ATXN10: variants seen among roughly 807,000 people sequenced by gnomAD.
ATXN10 encodes ataxin-10.
Under a neutral mutation model 52.9 loss-of-function variants are expected in ATXN10, and 28 were observed. That is an observed-to-expected ratio of 0.53 (90% CI 0.39 to 0.73). The LOEUF (loss-of-function observed/expected upper bound fraction) is 0.73, where lower values mean the gene tolerates loss of function less well. ATXN10 is among the 30% of genes least tolerant of loss of function. ATXN10 has a pLI of 0.00. For synonymous variants in ATXN10, 226 were observed against 221.5 expected (o/e 1.02, Z -0.18); for missense variants, 565 against 577.0 (o/e 0.98, Z 0.21).
chr22:45,765,583 T>G (rs1378460363), intron 9 of ATXN10, among the ~76,000 whole-genome samples: 5 of 152,176 alleles, frequency 3.3e-5, no homozygotes, highest in Non-Finnish European at 5.9e-5. Context: ...TTCCCCCTTA[T>G]TGGGTGCTCA....
intron 10 of ATXN10, among the ~76,000 whole-genome samples, chr22:45,839,196 G>A (rs545860381): frequency 6.6e-6 from 1 of 152,340 alleles, no homozygotes; most frequent in East Asian, 1.9e-4. Context: ...CTCCAGAGTG[G>A]TCTTGTGGCC....
At chr22:45,711,737 A>G (rs988720119) in intron 5 of ATXN10, among the ~76,000 whole-genome samples, 8 of 152,234 alleles carry the variant, frequency 5.3e-5, no homozygotes, top group African/African-American at 1.7e-4. Flanking sequence ...GCACCTGTGT[A>G]TATAACAGAC....
chr22:45,698,970 T>G (rs78689861), intron 3 of ATXN10, among the ~76,000 whole-genome samples: 1,757 of 152,320 alleles, frequency 0.012, 18 homozygotes, highest in Non-Finnish European at 0.019. Context: ...GTGTGCCAGT[T>G]TTTTGTTACC....
chr22:45,792,358 A>G (rs1247945053), intron 9 of ATXN10: 1 of 152,354 alleles, frequency 6.6e-6, no homozygotes, highest in Non-Finnish European at 1.5e-5. Flanking sequence ...GAGGGAGGAC[A>G]GTAAATCAAC....
In ATXN10 at chr22:45,789,573, G is replaced by A. The variant is rs904661809; in HGVS notation, c.1174-17386G>A. Among the ~76,000 whole-genome samples, 4 of 152,192 alleles carry A rather than the reference G, an allele frequency of 2.6e-5. No homozygotes were observed. The highest frequency in any genetic ancestry group is 4.8e-5 in the African/African-American group (2 of 41,444). ...TTGTCACCGCCCTGGGAAGGCGCCA[G>A]TGAAGGGCCTGGAAAAGTTAGGGGT... is the stretch of plus-strand genomic sequence containing the variant. On this transcript the variant is annotated intron_variant, in intron 9 of 11. Transcript: ENST00000252934. This position sits in a 1 kb window ranked among gnomAD's most constrained non-coding sequence, Gnocchi z 4.0.
rs1404582754 is a variant in ATXN10, at chr22:45,784,671, G to T, written c.1174-22288G>T. ...GTGCCCAGAGGACACACAGCTTAGAGCAGGGCCCAAATTGACCTCATGGCT... is the reference window on the plus strand; with the variant it reads ...GTGCCCAGAGGACACACAGCTTAGATCAGGGCCCAAATTGACCTCATGGCT... On this transcript the variant is annotated intron_variant, in intron 9 of 11. Transcript: ENST00000252934. This position sits in a 1 kb window ranked among gnomAD's most constrained non-coding sequence, Gnocchi z 4.2. 6.6e-6 allele frequency among the ~76,000 whole-genome samples: 1 copy of T among 152,180 alleles called. No individual in the cohort carries two copies. Among genetic ancestry groups the T allele is most frequent in the Non-Finnish European group, 1.5e-5 (1 of 68,026 alleles).
chr22:45,752,961 C>G (rs1423218499), intron 9 of ATXN10, among the ~76,000 whole-genome samples: 1 of 151,924 alleles, frequency 6.6e-6, no homozygotes, highest in Admixed American at 6.6e-5. Context: ...CTTGAACTCC[C>G]GACCTCAGGT....
chr22:45,836,353 CA>C (rs1420885750), intron 10 of ATXN10, among the ~76,000 whole-genome samples: 2 of 152,228 alleles, frequency 1.3e-5, no homozygotes, highest in Non-Finnish European at 2.9e-5. Context: ...TGACCCCTTG[CA>C]AAAGTAAGGG....
At chr22:45,680,546 T>G (rs1370232651) in intron 1 of ATXN10, among the ~76,000 whole-genome samples, 1 of 152,196 alleles carries the variant, frequency 6.6e-6, no homozygotes, top group Non-Finnish European at 1.5e-5. Flanking sequence ...CTTTTTTGTT[T>G]TTTTGAGATA....
chr22:45,714,130 G>A (rs1924355896), intron 5 of ATXN10, among the ~76,000 whole-genome samples: 1 of 152,178 alleles, frequency 6.6e-6, no homozygotes, highest in South Asian at 2.1e-4. Flanking sequence ...AACAGTGTTA[G>A]CAAGATTTGG....
chr22:45,767,266 T>G (rs1045259008), intron 9 of ATXN10, among the ~76,000 whole-genome samples: 1 of 152,156 alleles, frequency 6.6e-6, no homozygotes, highest in Non-Finnish European at 1.5e-5. Context: ...ATGAATGAAG[T>G]AGACCTGTAT....
chr22:45,757,688 A>AT lies in ATXN10; in HGVS notation c.1173+17155dup, dbSNP rs1926225363. On this transcript the variant is annotated intron_variant, in intron 9 of 11. Transcript: ENST00000252934. This position sits in a 1 kb window ranked among gnomAD's most constrained non-coding sequence, Gnocchi z 4.6. ...TTTACATACACATAGGATTCAATAC[A>AT]TTTTTCATATGCTGACCTTATAAGT... Among the ~76,000 whole-genome samples the AT allele has an allele frequency of 6.6e-6, 1 of 152,132 alleles. No homozygotes were observed. The highest frequency in any genetic ancestry group is 2.4e-5 in the African/African-American group (1 of 41,504).
intron 1 of ATXN10, chr22:45,680,194 T>A (rs1324401365): frequency 6.6e-6 from 1 of 152,196 alleles, no homozygotes; most frequent in Non-Finnish European, 1.5e-5. Flanking sequence ...TTATAGCTAT[T>A]GAGGAGTTTG....
chr22:45,814,658 G>A (rs1305872428), intron 10 of ATXN10, among the ~76,000 whole-genome samples: 1 of 152,178 alleles, frequency 6.6e-6, no homozygotes, highest in Non-Finnish European at 1.5e-5. Flanking sequence ...ATTAGAAGAG[G>A]AGTCCTCATC....
intron 10 of ATXN10, among the ~76,000 whole-genome samples, chr22:45,808,645 A>G (rs1319051701): frequency 6.6e-6 from 1 of 152,200 alleles, no homozygotes; most frequent in Non-Finnish European, 1.5e-5. Flanking sequence ...GTTGTAGATG[A>G]TGAAATAAAA....
intron 10 of ATXN10, among the ~76,000 whole-genome samples, chr22:45,827,907 T>C (rs909297957): frequency 3.9e-5 from 6 of 152,226 alleles, no homozygotes; most frequent in African/African-American, 1.4e-4. Flanking sequence ...TTTTTAAAGA[T>C]ATCATACAGA....
At chr22:45,827,851 T>C (rs1928866250) in intron 10 of ATXN10, among the ~76,000 whole-genome samples, 1 of 152,202 alleles carries the variant, frequency 6.6e-6, no homozygotes, top group South Asian at 2.1e-4. Context: ...AGAAGACATT[T>C]TCCAGGATAG....
In ATXN10 at chr22:45,751,427, TGA is replaced by T. The variant is rs3077250; in HGVS notation, c.1173+10911_1173+10912del. Among the ~76,000 whole-genome samples, 223 of 148,006 alleles carry T rather than the reference TGA, an allele frequency of 1.5e-3. 1 individual carries two copies. The highest frequency in any genetic ancestry group is 0.014 in the East Asian group (72 of 5,030). Reference sequence around the variant, plus strand: ...GGTGGTGATAGGGTTTGTGTGTTTTTGAGAGAGAGAGAGAGAGAGAGAGGAAG... The same window carrying T: ...GGTGGTGATAGGGTTTGTGTGTTTTTGAGAGAGAGAGAGAGAGAGAGGAAG... On this transcript the variant is annotated intron_variant, in intron 9 of 11. Transcript: ENST00000252934.
At chr22:45,752,033 AC>A (rs1925995876) in intron 9 of ATXN10, among the ~76,000 whole-genome samples, 1 of 152,170 alleles carries the variant, frequency 6.6e-6, no homozygotes, top group Admixed American at 6.5e-5. Flanking sequence ...TTCTAATAGA[AC>A]AAAAATGATA....
Sources: gnomAD v4.1 joint callset for allele counts (sites outside exome capture counted in the v4.1 genomes callset) on GRCh38, gnomAD v4.1.1 for gene constraint, Gnocchi (gnomAD v3.1) non-coding constraint, MANE v1.5 for transcripts, NCBI Gene and HGNC (gene_info 2026-07-23, HGNC 2026-07-21) for gene names.